The following ZC3HAV1 variants were observed in gnomAD, a reference collection of about 807,000 sequenced individuals.
ZC3HAV1 encodes the protein zinc finger CCCH-type antiviral protein 1.
A neutral mutation model predicts 86.6 loss-of-function variants in ZC3HAV1; 41 were observed. The observed-to-expected ratio is 0.47, with a 90% CI of 0.37 to 0.61. ZC3HAV1 has a LOEUF of 0.61. Ranked by LOEUF, ZC3HAV1 falls within the 20% of genes least tolerant of loss-of-function variation. The pLI is 0.00. For synonymous variants in ZC3HAV1, 421 were observed against 432.1 expected, an observed-to-expected ratio of 0.97 and a Z score of 0.32; for missense variants, 964 against 1,141.1, an observed-to-expected ratio of 0.84 and a Z score of 2.24.
At chr7:139,084,068 A>T (rs1817208863) in intron 2 of ZC3HAV1, 36 bp from the exon 3 acceptor site, 2 of 1,597,330 alleles carry the variant, frequency 1.3e-6, no homozygotes, top group South Asian at 2.2e-5. Context: ...GAGTCAAAAC[A>T]CCTTCTTGTA....
In ZC3HAV1 at chr7:139,102,916, C is replaced by A. The variant is rs202003344; in HGVS notation, c.308+6108G>T. Among the ~76,000 whole-genome samples, 20 of 140,718 alleles carry A rather than the reference C, an allele frequency of 1.4e-4. No homozygotes were observed. In the East Asian group the frequency reaches 3.4e-3, roughly 24 times the overall value. 92.3% of individuals were successfully genotyped at this position (140,718 alleles called of 152,430 possible). ...GAGTGGTGACAGAACAAGATCCTGT[C>A]TCAAAAAAAAAAAAAGTATATATAT... On this transcript the variant is annotated intron_variant, in intron 1 of 12. Transcript: ENST00000242351.
intron 1 of ZC3HAV1, among the ~76,000 whole-genome samples, chr7:139,092,244 C>CTGGG (rs1817458407): frequency 6.6e-6 from 1 of 152,082 alleles, no homozygotes; most frequent in African/African-American, 2.4e-5. Flanking sequence ...CTTGGATGTG[C>CTGGG]TGGGAGTCAG....
intron 5 of ZC3HAV1, among the ~76,000 whole-genome samples, chr7:139,077,369 T>G (rs56405715): frequency 0.27 from 41,733 of 151,978 alleles, 6,616 homozygotes; most frequent in East Asian, 0.43. Context: ...TCAGTCTCCC[T>G]AGTAGCTGGG....
chr7:139,095,661 T>C (rs1817564383), intron 1 of ZC3HAV1, among the ~76,000 whole-genome samples: 1 of 152,166 alleles, frequency 6.6e-6, no homozygotes, highest in African/African-American at 2.4e-5. Context: ...GCACATACCC[T>C]ACAGTTGTAC....
At position 139,046,235 on chromosome 7, in the gene ZC3HAV1, C is replaced by A. The variant is rs926095310; in HGVS notation, c.*1359G>T. 3 of 152,186 alleles carry A rather than the reference C, an allele frequency of 2.0e-5. No homozygotes were observed. The highest frequency in any genetic ancestry group is 2.0e-4 in the Admixed American group (3 of 15,268). 9.4% of individuals were successfully genotyped at this position (152,186 alleles called of 1,614,324 possible). A position where few individuals can be genotyped will look rare whatever the true frequency, so the allele number is the denominator to read the frequency against. On this transcript the variant is annotated 3_prime_UTR_variant, in exon 13 of 13. Coordinates refer to ENST00000242351, the MANE Select transcript of ZC3HAV1 (RefSeq NM_020119.4). ...TTTGGAAAAAGAAGCTCCTGGTAGA[C>A]ACAGGGCCTCTTTGGGATATTGTTC...
At chr7:139,106,755 T>C (rs1028183313) in intron 1 of ZC3HAV1, among the ~76,000 whole-genome samples, 1 of 152,126 alleles carries the variant, frequency 6.6e-6, no homozygotes, top group Non-Finnish European at 1.5e-5. Context: ...TTTACAAAAA[T>C]GTGATCATTG....
At chr7:139,101,508 G>A (rs1183394746) in intron 1 of ZC3HAV1, among the ~76,000 whole-genome samples, 3 of 103,596 alleles carry the variant, frequency 2.9e-5, no homozygotes, top group African/African-American at 7.7e-5. Flanking sequence ...CCGTCTGGGA[G>A]GTGTACCCAA....
At chr7:139,057,151 C>T (rs2130670622) in intron 9 of ZC3HAV1, among the ~76,000 whole-genome samples, 1 of 152,146 alleles carries the variant, frequency 6.6e-6, no homozygotes, top group Middle Eastern at 3.4e-3. Flanking sequence ...GAGTTTAAGA[C>T]CTGCCTGAGC....
intron 4 of ZC3HAV1, chr7:139,078,996 A>C (rs1817039818): frequency 1.4e-6 from 2 of 1,440,004 alleles, no homozygotes. Context: ...AAACCCTCTA[A>C]CTCTCTACCC....
chr7:139,093,456 CCT>C (rs1280877979), intron 1 of ZC3HAV1, among the ~76,000 whole-genome samples: 1 of 152,110 alleles, frequency 6.6e-6, no homozygotes, highest in Non-Finnish European at 1.5e-5. Flanking sequence ...CATCATATCC[CCT>C]GTGACCTGCA....
chr7:139,105,735 G>C (rs1261642063), intron 1 of ZC3HAV1, among the ~76,000 whole-genome samples: 1 of 152,176 alleles, frequency 6.6e-6, no homozygotes, highest in African/African-American at 2.4e-5. Flanking sequence ...GAACTGAATA[G>C]TAATGTCAAG....
chr7:139,092,151 G>C (rs138352403), intron 1 of ZC3HAV1, among the ~76,000 whole-genome samples: 19 of 152,306 alleles, frequency 1.2e-4, no homozygotes, highest in Middle Eastern at 3.4e-3. Context: ...TGATAGATGC[G>C]GGACTTTGGG....
chr7:139,099,905 T>A (rs922790467), intron 1 of ZC3HAV1, among the ~76,000 whole-genome samples: 3 of 138,254 alleles, frequency 2.2e-5, no homozygotes, highest in Non-Finnish European at 4.7e-5. Flanking sequence ...CTAGCCTGGG[T>A]GACAGAACAA....
chr7:139,093,782 G>A (rs922586330), intron 1 of ZC3HAV1, among the ~76,000 whole-genome samples: 1 of 152,258 alleles, frequency 6.6e-6, no homozygotes, highest in East Asian at 1.9e-4. Flanking sequence ...CTCACACAAA[G>A]CCTGTTTGGT....
At chr7:139,101,441 G>T (rs1455491276) in intron 1 of ZC3HAV1, among the ~76,000 whole-genome samples, 3 of 116,082 alleles carry the variant, frequency 2.6e-5, no homozygotes, top group Non-Finnish European at 5.3e-5. Flanking sequence ...TGCGGGGAGC[G>T]CCTCTGCCCT....
chr7:139,079,259 G>C, intron 4 of ZC3HAV1: 1 of 1,536,852 alleles, frequency 6.5e-7, no homozygotes, highest in East Asian at 2.4e-5. Flanking sequence ...TGCAGGGGCA[G>C]TGGATTCCCC....
At chr7:139,103,633 C>T (rs1817841847) in intron 1 of ZC3HAV1, among the ~76,000 whole-genome samples, 1 of 152,116 alleles carries the variant, frequency 6.6e-6, no homozygotes, top group Admixed American at 6.5e-5. Context: ...TCCTAATGAT[C>T]TACCCTGGAA....
At chr7:139,055,177 C>T (rs1306955720) in intron 10 of ZC3HAV1, 28 bp downstream of exon 10, 8 of 1,581,112 alleles carry the variant, frequency 5.1e-6, no homozygotes, top group African/African-American at 1.3e-5. Flanking sequence ...TTAACAGACT[C>T]ATCCACCAAA....
intron 7 of ZC3HAV1, among the ~76,000 whole-genome samples, chr7:139,072,687 T>C (rs960801748): frequency 4.6e-5 from 7 of 152,110 alleles, no homozygotes; most frequent in Non-Finnish European, 8.8e-5. Context: ...CCACTATGGG[T>C]CAGCCTAGGA....
Sources: allele counts gnomAD v4.1 joint callset (sites outside exome capture counted in the v4.1 genomes callset), GRCh38; gene constraint gnomAD v4.1.1; transcripts MANE v1.5; gene names NCBI Gene and HGNC (gene_info 2026-07-23, HGNC 2026-07-21).